Variants in C1orf105 observed in about 807,000 individuals in gnomAD.
C1orf105 encodes the protein uncharacterized protein C1orf105.
Under a neutral mutation model 20.8 loss-of-function variants are expected in C1orf105, and 17 were observed. The ratio of observed to expected loss-of-function variants is 0.82; its 90% CI spans 0.56 to 1.23. The LOEUF (loss-of-function observed/expected upper bound fraction) is 1.23. C1orf105 is among the 50% of genes most tolerant of loss of function. The probability of loss-of-function intolerance (pLI) is 0.00; values close to 1 mark genes in which losing one functional copy is unlikely to be tolerated. For synonymous variants in C1orf105, 72 were observed against 72.1 expected, an observed-to-expected ratio of 1.00 and a Z score of 0.01; for missense variants, 219 against 213.5, an observed-to-expected ratio of 1.03 and a Z score of -0.16.
intron 1 of C1orf105, among the ~76,000 whole-genome samples, chr1:172,444,857 G>A (rs963376927): frequency 6.6e-6 from 1 of 152,324 alleles, no homozygotes; most frequent in Non-Finnish European, 1.5e-5. Flanking sequence ...AGTGACTCAA[G>A]GCAAATCACA....
chr1:172,468,165 T>C (rs942245948), intron 6 of C1orf105, among the ~76,000 whole-genome samples: 1 of 152,204 alleles, frequency 6.6e-6, no homozygotes, highest in Non-Finnish European at 1.5e-5. Flanking sequence ...TACTTGAGTT[T>C]TGTTTCTGGG....
chr1:172,435,267 T>A lies in C1orf105; in HGVS notation c.22-9806T>A, dbSNP rs1162082310. Among the ~76,000 whole-genome samples, 3 of 152,188 alleles carry A rather than the reference T, an allele frequency of 2.0e-5. No individual in the cohort carries two copies. In the East Asian group the frequency reaches 5.8e-4, roughly 29 times the overall value. On this transcript the variant is annotated intron_variant, in intron 1 of 6. Transcript: ENST00000367727. ...TTTTATGAGGTCAGCATCATCCTGA[T>A]ACCAAAGCCTGGCAAAGACACACAA... is the stretch of plus-strand genomic sequence containing the variant.
At chr1:172,461,915 T>G (rs1283993233) in intron 4 of C1orf105, among the ~76,000 whole-genome samples, 1 of 152,130 alleles carries the variant, frequency 6.6e-6, no homozygotes, top group Non-Finnish European at 1.5e-5. Flanking sequence ...TTGAAGAACA[T>G]GTGTGTATTG....
Position 172,420,897 on chromosome 1 carries a change from A to C in C1orf105, c.12A>C (p.Arg4Ser). ...TAAAGATCTGAAAGATGGAAAAAAG[A>C]GAACTAAAGGTAGGAAAAAAATAAA... The part of the protein sequence containing the change: MEK[R>S]ELKASVPKFD... Residue 4 changes from arginine to serine, a missense_variant, in exon 1 of 7, where the codon AGA becomes AGC. Physicochemically the swap from Arg to Ser is moderately radical, Grantham distance 110. Transcript: ENST00000367727. 6.2e-7 allele frequency: 1 copy of C among 1,611,650 alleles called. No individual in the cohort carries two copies. Among genetic ancestry groups the C allele is most frequent in the East Asian group, 2.2e-5 (1 of 44,830 alleles).
chr1:172,432,583 G>C (rs912952333), intron 1 of C1orf105, among the ~76,000 whole-genome samples: 8 of 152,024 alleles, frequency 5.3e-5, no homozygotes, highest in African/African-American at 1.9e-4. Flanking sequence ...CAACAAAAAG[G>C]ACATCTACAC....
In C1orf105 at chr1:172,453,111, C is replaced by T. The variant is rs1276588360; in HGVS notation, c.199-3304C>T. 3.9e-6 allele frequency: 6 copies of T among 1,550,854 alleles called. No individual in the cohort carries two copies. The Admixed American group carries it at 1.2e-4, about 30-fold the overall frequency. ...GTCACAGCTGCCTTCCACGACTCTT[C>T]AATGCCCTCATCCCTTCTCCAGATA... On this transcript the variant is annotated intron_variant, in intron 3 of 6. Coordinates refer to ENST00000367727, the MANE Select transcript of C1orf105 (RefSeq NM_139240.4).
chr1:172,459,675 A>C (rs989478171), intron 4 of C1orf105, among the ~76,000 whole-genome samples: 1 of 152,172 alleles, frequency 6.6e-6, no homozygotes, highest in Non-Finnish European at 1.5e-5. Context: ...CAGAGTTACC[A>C]TATGACCCAG....
At chr1:172,434,746 A>T (rs1352598136) in intron 1 of C1orf105, among the ~76,000 whole-genome samples, 1 of 152,248 alleles carries the variant, frequency 6.6e-6, no homozygotes, top group Non-Finnish European at 1.5e-5. Flanking sequence ...AATAACTAAG[A>T]TCAGAGCAGA....
chr1:172,454,904 G>C (rs1180468906), intron 3 of C1orf105, among the ~76,000 whole-genome samples: 1 of 152,140 alleles, frequency 6.6e-6, no homozygotes, highest in Admixed American at 6.5e-5. Context: ...AATGTCTCCA[G>C]TACCTAATGA....
intron 1 of C1orf105, among the ~76,000 whole-genome samples, chr1:172,427,770 T>G (rs191506607): frequency 5.9e-5 from 9 of 152,324 alleles, no homozygotes; most frequent in Non-Finnish European, 2.9e-5. Flanking sequence ...TCTTTTTGCT[T>G]CTTCTTCGCC....
intron 2 of C1orf105, 59 bp from the exon 3 acceptor site, chr1:172,448,382 G>A (rs1573868710): frequency 8.6e-7 from 1 of 1,162,018 alleles, no homozygotes; most frequent in Non-Finnish European, 1.3e-6. Flanking sequence ...AACAACCAAG[G>A]GCCTGGCTCT....
Position 172,468,443 on chromosome 1 carries a change from A to G in C1orf105, c.407-6A>G. On this transcript the variant is annotated splice_region_variant and splice_polypyrimidine_tract_variant and intron_variant, in intron 6 of 6. Transcript: ENST00000367727. ...ATCCTTCTTTCCTTCTTGTACTGTC[A>G]TCCAGAAAGCATTCACTACAGACTG... The G allele has an allele frequency of 6.2e-7, 1 of 1,609,184 alleles. No homozygotes were observed.
rs1396622076 is a variant in C1orf105 at position 172,457,830 on chromosome 1, CA to C, written c.273+1344del. On this transcript the variant is annotated intron_variant, in intron 4 of 6. Coordinates refer to ENST00000367727, the MANE Select transcript of C1orf105 (RefSeq NM_139240.4). ...TTGAAGCTTCTAAAAGGAAGGGCTT[CA>C]AACACAAAAGTGCCCAGGGACCCTT... Among the ~76,000 whole-genome samples the C allele has an allele frequency of 1.7e-4, 26 of 152,208 alleles. 1 individual carries two copies. Among genetic ancestry groups the C allele is most frequent in the Admixed American group, 5.9e-4 (9 of 15,288 alleles).
At chr1:172,461,458 G>A (rs766246755) in intron 4 of C1orf105, among the ~76,000 whole-genome samples, 5 of 152,072 alleles carry the variant, frequency 3.3e-5, no homozygotes, top group South Asian at 2.1e-4. Flanking sequence ...AATAATTTTC[G>A]AGAAATAACG....
intron 6 of C1orf105, among the ~76,000 whole-genome samples, chr1:172,468,144 A>G (rs549590987): frequency 4.1e-4 from 63 of 152,252 alleles, no homozygotes; most frequent in African/African-American, 1.4e-3. Flanking sequence ...TTAATTGGTA[A>G]TGACGTCTAA....
At chr1:172,453,808 G>A (rs909391416) in intron 3 of C1orf105, among the ~76,000 whole-genome samples, 4 of 152,218 alleles carry the variant, frequency 2.6e-5, no homozygotes, top group African/African-American at 9.7e-5. Flanking sequence ...GAGGTTAGGA[G>A]GGTGAGAAAT....
At chr1:172,443,543 C>A (rs1195582047) in intron 1 of C1orf105, 2 of 166,860 alleles carry the variant, frequency 1.2e-5, no homozygotes, top group African/African-American at 4.8e-5. Flanking sequence ...TTGAGAGGAT[C>A]GAAGAAGATA....
chr1:172,464,778 C>G (rs1649921926), intron 5 of C1orf105, among the ~76,000 whole-genome samples: 1 of 151,974 alleles, frequency 6.6e-6, no homozygotes, highest in Non-Finnish European at 1.5e-5. Context: ...CAACACTAAT[C>G]AAAAAGAGAT....
chr1:172,442,963 A>T, intron 1 of C1orf105: 1 of 215,752 alleles, frequency 4.6e-6, no homozygotes, highest in Non-Finnish European at 1.0e-5. Flanking sequence ...GGGACATTAA[A>T]ACTGCATTTC....
Sources: gnomAD v4.1 joint callset for allele counts (sites outside exome capture counted in the v4.1 genomes callset) on GRCh38, gnomAD v4.1.1 for gene constraint, MANE v1.5 for transcripts, NCBI Gene and HGNC (gene_info 2026-07-23, HGNC 2026-07-21) for gene names.